SPATS2: variants seen among roughly 807,000 people sequenced by gnomAD.
SPATS2 encodes spermatogenesis-associated serine-rich protein 2.
A neutral mutation model predicts 63.7 loss-of-function variants in SPATS2; 38 were observed. The observed-to-expected ratio is 0.60, with a 90% CI of 0.46 to 0.78. The LOEUF (loss-of-function observed/expected upper bound fraction) is 0.78. Ranked by LOEUF, SPATS2 falls within the 30% of genes least tolerant of loss-of-function variation. The probability of loss-of-function intolerance (pLI) is 0.00; values close to 1 mark genes in which losing one functional copy is unlikely to be tolerated. For synonymous variants in SPATS2, 207 were observed against 232.9 expected (o/e 0.89, Z 1.01); for missense variants, 588 against 666.2 (o/e 0.88, Z 1.29).
chr12:49,389,314 C>T (rs975362463), intron 2 of SPATS2, among the ~76,000 whole-genome samples: 2 of 152,180 alleles, frequency 1.3e-5, no homozygotes, highest in Non-Finnish European at 2.9e-5. Flanking sequence ...TCTCCCCCGC[C>T]GGTGGTGGGG....
chr12:49,443,489 T>C (rs1414322872), intron 2 of SPATS2, among the ~76,000 whole-genome samples: 1 of 152,194 alleles, frequency 6.6e-6, no homozygotes, highest in African/African-American at 2.4e-5. Flanking sequence ...TTTTGAAGTA[T>C]GAAAAGTCTT....
chr12:49,416,411 T>C (rs1944890327), intron 2 of SPATS2, among the ~76,000 whole-genome samples: 1 of 152,190 alleles, frequency 6.6e-6, no homozygotes, highest in Non-Finnish European at 1.5e-5. Context: ...CTGGGTATCT[T>C]ATATGGTGAC....
chr12:49,492,219 CT>C (rs534727922), intron 6 of SPATS2, among the ~76,000 whole-genome samples: 69 of 144,140 alleles, frequency 4.8e-4, no homozygotes, highest in Admixed American at 4.9e-4. Context: ...TTTCTTTTTT[CT>C]TTTTTTTTTT....
At chr12:49,451,729 G>A (rs1357825536) in intron 2 of SPATS2, among the ~76,000 whole-genome samples, 3 of 152,212 alleles carry the variant, frequency 2.0e-5, no homozygotes, top group African/African-American at 2.4e-5. Context: ...TTTGGGTACA[G>A]TCGGGTTACC....
chr12:49,522,558 A>G (rs951715098), intron 11 of SPATS2, among the ~76,000 whole-genome samples, 193 bp from the exon 12 acceptor site: 2 of 152,236 alleles, frequency 1.3e-5, no homozygotes, highest in Non-Finnish European at 2.9e-5. Context: ...TAAACTTACA[A>G]ACTTATCTGT....
chr12:49,385,839 TTTTG>T (rs576472782), intron 2 of SPATS2, among the ~76,000 whole-genome samples: 2,115 of 147,422 alleles, frequency 0.014, 21 homozygotes, highest in Middle Eastern at 0.021. Flanking sequence ...TTTTTTTGTT[TTTTG>T]TTTGTTTGTT....
intron 3 of SPATS2, among the ~76,000 whole-genome samples, chr12:49,481,191 C>T (rs992642135): frequency 6.6e-6 from 1 of 152,092 alleles, no homozygotes; most frequent in Non-Finnish European, 1.5e-5. Context: ...GAAACCCTGT[C>T]TCTACTAAAA....
At chr12:49,401,087 G>C (rs1230846984) in intron 2 of SPATS2, among the ~76,000 whole-genome samples, 1 of 151,898 alleles carries the variant, frequency 6.6e-6, no homozygotes, top group African/African-American at 2.4e-5. Flanking sequence ...ATGTTGCCCA[G>C]GCTGGTCTCA....
At chr12:49,402,570 T>C (rs1209721974) in intron 2 of SPATS2, among the ~76,000 whole-genome samples, 1 of 152,128 alleles carries the variant, frequency 6.6e-6, no homozygotes, top group Non-Finnish European at 1.5e-5. Context: ...GATTGTCGTA[T>C]GAGAGGTGGT....
intron 2 of SPATS2, among the ~76,000 whole-genome samples, chr12:49,436,402 A>G (rs1445295287): frequency 7.4e-6 from 1 of 135,708 alleles, no homozygotes; most frequent in African/African-American, 2.9e-5. Flanking sequence ...TTGGGGGCTG[A>G]CCCCCCCACC....
rs552041495 is a variant in SPATS2 at position 49,502,518 on chromosome 12, A to G, written c.839+2313A>G. ...CAGGCTGGAGTGCGGTGGCACGGTC[A>G]TGGCTCACTGCAACCTCCACCTCCT... On this transcript the variant is annotated intron_variant, in intron 9 of 13. Coordinates refer to ENST00000552918, the MANE Select transcript of SPATS2 (RefSeq NM_023071.4). Among the ~76,000 whole-genome samples, 100 of 152,168 alleles carry G rather than the reference A, an allele frequency of 6.6e-4. 1 individual carries two copies. Among genetic ancestry groups the G allele is most frequent in the South Asian group, 2.1e-3 (10 of 4,816 alleles).
At chr12:49,482,305 C>G (rs1946219636) in intron 3 of SPATS2, among the ~76,000 whole-genome samples, 1 of 152,182 alleles carries the variant, frequency 6.6e-6, no homozygotes, top group African/African-American at 2.4e-5. Context: ...GCAGGAGATT[C>G]CGAGGAAGGG....
intron 1 of SPATS2, 77 bp from the exon 2 acceptor site, chr12:49,371,150 TG>T (rs1392440857): frequency 6.6e-6 from 1 of 152,248 alleles, no homozygotes; most frequent in Non-Finnish European, 1.5e-5. Flanking sequence ...CCATCCATCT[TG>T]GGAATTTTTT....
At chr12:49,399,191 A>C (rs1944563705) in intron 2 of SPATS2, among the ~76,000 whole-genome samples, 1 of 151,190 alleles carries the variant, frequency 6.6e-6, no homozygotes, top group Non-Finnish European at 1.5e-5. Flanking sequence ...GTTCATTTTC[A>C]TCAAAGTTAT....
intron 2 of SPATS2, among the ~76,000 whole-genome samples, chr12:49,440,814 A>G (rs1479509796): frequency 2.0e-5 from 3 of 152,208 alleles, no homozygotes; most frequent in South Asian, 4.2e-4. Flanking sequence ...TTGTCCTTCA[A>G]TTTGTTTGGT....
rs1394357317 is a variant in SPATS2 at position 49,526,301 on chromosome 12, T to C, written c.*46T>C. On this transcript the variant is annotated 3_prime_UTR_variant, in exon 14 of 14. Transcript: ENST00000552918. ...TCTCCTCTATCCACACAATTCAACT[T>C]GATAACTGGACTTTAGGAAACTTAC... is the stretch of plus-strand genomic sequence containing the variant. 1 of 1,533,862 alleles carries C rather than the reference T, an allele frequency of 6.5e-7. No homozygotes were observed. The highest frequency in any genetic ancestry group is 8.7e-7 in the Non-Finnish European group (1 of 1,143,104).
At chr12:49,397,720 C>T (rs945216642) in intron 2 of SPATS2, among the ~76,000 whole-genome samples, 4 of 149,614 alleles carry the variant, frequency 2.7e-5, no homozygotes, top group African/African-American at 4.9e-5. Flanking sequence ...GTGTTAACTA[C>T]GTGGAAGGCT....
At chr12:49,495,635 T>A (rs1946452705) in intron 7 of SPATS2, among the ~76,000 whole-genome samples, 1 of 152,220 alleles carries the variant, frequency 6.6e-6, no homozygotes, top group Non-Finnish European at 1.5e-5. Context: ...CTGCTCAAGG[T>A]CATCGCCAAG....
At chr12:49,436,583 C>T (rs866336550) in intron 2 of SPATS2, among the ~76,000 whole-genome samples, 51 of 117,674 alleles carry the variant, frequency 4.3e-4, no homozygotes, top group Middle Eastern at 5.8e-3. Context: ...CCCTCCCGGA[C>T]GGGGTGGCTG....
Sources: gnomAD v4.1 joint callset for allele counts (sites outside exome capture counted in the v4.1 genomes callset) on GRCh38, gnomAD v4.1.1 for gene constraint, MANE v1.5 for transcripts, NCBI Gene and HGNC (gene_info 2026-07-23, HGNC 2026-07-21) for gene names.